SAMD4A: variants seen among roughly 807,000 people sequenced by gnomAD.
SAMD4A encodes the protein protein Smaug homolog 1.
A neutral mutation model predicts 81.3 loss-of-function variants in SAMD4A; 33 were observed. The ratio of observed to expected loss-of-function variants is 0.41; its 90% CI spans 0.31 to 0.54. SAMD4A has a LOEUF of 0.54. SAMD4A is among the 20% of genes least tolerant of loss of function. SAMD4A has a pLI of 0.37. For synonymous variants in SAMD4A, 389 were observed against 382.1 expected (o/e 1.02, Z -0.21); for missense variants, 854 against 951.1 (o/e 0.90, Z 1.34).
chr14:54,700,726 T>C (rs960081315), intron 2 of SAMD4A, among the ~76,000 whole-genome samples: 1 of 152,164 alleles, frequency 6.6e-6, no homozygotes, highest in African/African-American at 2.4e-5. Flanking sequence ...TGTGAATAAC[T>C]GTCAATCCCA....
intron 2 of SAMD4A, among the ~76,000 whole-genome samples, chr14:54,641,769 C>A (rs7158091): frequency 0.4 from 60,565 of 151,954 alleles, 13,595 homozygotes; most frequent in East Asian, 0.78. Context: ...TCTACACAGG[C>A]TTTTATCAAG....
chr14:54,591,108 C>CT (rs1473659151), intron 2 of SAMD4A, among the ~76,000 whole-genome samples: 3 of 152,120 alleles, frequency 2.0e-5, no homozygotes, highest in African/African-American at 7.2e-5. Context: ...CCGTGATTGG[C>CT]TTTTAGCACA....
At chr14:54,737,561 TGCA>T (rs2037731712) in intron 4 of SAMD4A, among the ~76,000 whole-genome samples, 40 of 122,546 alleles carry the variant, frequency 3.3e-4, no homozygotes, top group African/African-American at 7.8e-4. Context: ...TTTTTTTTTT[TGCA>T]TTGCAGTGAC....
At chr14:54,680,188 AGTT>A (rs2140565831) in intron 2 of SAMD4A, among the ~76,000 whole-genome samples, 1 of 152,372 alleles carries the variant, frequency 6.6e-6, no homozygotes, top group South Asian at 2.1e-4. Context: ...GGCTTCATGT[AGTT>A]GTAGACTAAG....
chr14:54,596,620 G>A (rs112485892), intron 2 of SAMD4A, among the ~76,000 whole-genome samples: 3 of 152,136 alleles, frequency 2.0e-5, no homozygotes, highest in African/African-American at 7.2e-5. Flanking sequence ...TATAGGAAGG[G>A]CCTTCTCTCC....
chr14:54,687,251 T>C (rs889176545), intron 2 of SAMD4A: 2 of 415,164 alleles, frequency 4.8e-6, no homozygotes, highest in Non-Finnish European at 9.5e-6. Context: ...AGAGAAAAGA[T>C]GGATCCTGCC....
chr14:54,587,204 G>A (rs1349999894), intron 2 of SAMD4A, among the ~76,000 whole-genome samples: 1 of 152,066 alleles, frequency 6.6e-6, no homozygotes, highest in African/African-American at 2.4e-5. Context: ...GAAAGGGGTT[G>A]AGTTCTCGAT....
At chr14:54,734,942 T>G (rs1405268746) in intron 3 of SAMD4A, 1 of 152,254 alleles carries the variant, frequency 6.6e-6, no homozygotes, top group African/African-American at 2.4e-5. Context: ...GATTTCAGAC[T>G]GACTCTAATC....
chr14:54,622,538 A>C (rs1238236197), intron 2 of SAMD4A, among the ~76,000 whole-genome samples: 3 of 152,208 alleles, frequency 2.0e-5, no homozygotes, highest in Non-Finnish European at 4.4e-5. Flanking sequence ...CTTTGAAAAA[A>C]TAGAAATAGC....
In SAMD4A at chr14:54,682,418, A is replaced by C. The variant is rs147845100; in HGVS notation, c.197-19644A>C. ...TTGAACACTGGTACCAATGGTAGCC[A>C]CGTGACAAACACACCACCCCATCTG... On this transcript the variant is annotated intron_variant, in intron 2 of 12. Transcript: ENST00000554335. Among the ~76,000 whole-genome samples, 655 of 152,314 alleles carry C rather than the reference A, an allele frequency of 4.3e-3. 4 individuals are homozygous for C. The highest frequency in any genetic ancestry group is 0.015 in the African/African-American group (631 of 41,558).
intron 2 of SAMD4A, among the ~76,000 whole-genome samples, chr14:54,612,848 G>T (rs2034394322): frequency 6.6e-6 from 1 of 152,134 alleles, no homozygotes; most frequent in Non-Finnish European, 1.5e-5. Flanking sequence ...GCCGGGCATG[G>T]TGGCTCACGC....
intron 6 of SAMD4A, among the ~76,000 whole-genome samples, chr14:54,756,141 T>C (rs992918643): frequency 3.3e-5 from 5 of 152,240 alleles, no homozygotes; most frequent in African/African-American, 1.2e-4. Flanking sequence ...AATAATGCCT[T>C]ATACCAGTAA....
chr14:54,775,049 C>T lies in SAMD4A; in HGVS notation c.1831C>T (p.Leu611=), dbSNP rs1017804012. Residue 611 remains leucine, a synonymous_variant, in exon 10 of 13, where the codon CTG becomes TTG. Transcript: ENST00000554335. Reference sequence around the variant, plus strand: ...CTCTCGGAACGTCCCTTCCGCCCGCCTGGGCCTCTTGGGCACCAGTGGATT... The same window carrying T: ...CTCTCGGAACGTCCCTTCCGCCCGCTTGGGCCTCTTGGGCACCAGTGGATT... ...IPSRNVPSAR[L]GLLGTSGFVS... The T allele has an allele frequency of 1.9e-6, 3 of 1,614,230 alleles. No individual in the cohort carries two copies. The highest frequency in any genetic ancestry group is 2.5e-6 in the Non-Finnish European group (3 of 1,180,052).
chr14:54,647,442 T>C (rs1262959038), intron 2 of SAMD4A, among the ~76,000 whole-genome samples: 2 of 152,250 alleles, frequency 1.3e-5, no homozygotes, highest in Non-Finnish European at 2.9e-5. Context: ...GCTTCCCCAC[T>C]ATGTTATCAC....
At chr14:54,684,784 C>T (rs1566583166) in intron 2 of SAMD4A, among the ~76,000 whole-genome samples, 2 of 152,260 alleles carry the variant, frequency 1.3e-5, no homozygotes, top group South Asian at 2.1e-4. Context: ...TTCTTCCAGA[C>T]CTGGGCCTTT....
chr14:54,629,986 T>A (rs777799399), intron 2 of SAMD4A, among the ~76,000 whole-genome samples: 2 of 152,218 alleles, frequency 1.3e-5, no homozygotes, highest in Non-Finnish European at 2.9e-5. Context: ...AGCATCATCA[T>A]GTTGTAGCAT....
At chr14:54,746,428 G>A (rs1459376478) in intron 4 of SAMD4A, among the ~76,000 whole-genome samples, 4 of 152,206 alleles carry the variant, frequency 2.6e-5, no homozygotes, top group Non-Finnish European at 4.4e-5. Flanking sequence ...TTTGAAGTTG[G>A]ATAGGAGCCT....
intron 3 of SAMD4A, among the ~76,000 whole-genome samples, chr14:54,712,923 C>T (rs985906910): frequency 6.6e-5 from 10 of 152,094 alleles, no homozygotes; most frequent in African/African-American, 2.4e-4. Context: ...GAATAAATGG[C>T]TTAAGTTGGA....
intron 4 of SAMD4A, among the ~76,000 whole-genome samples, chr14:54,744,367 C>A (rs542434207): frequency 5.9e-5 from 9 of 152,296 alleles, no homozygotes; most frequent in African/African-American, 1.9e-4. Context: ...CTAACTGGAG[C>A]CCTGCTTCTG....
Sources: allele counts gnomAD v4.1 joint callset (sites outside exome capture counted in the v4.1 genomes callset), GRCh38; gene constraint gnomAD v4.1.1; transcripts MANE v1.5; gene names NCBI Gene and HGNC (gene_info 2026-07-23, HGNC 2026-07-21).